PLEKHG4B: variants seen among roughly 807,000 people sequenced by gnomAD.
PLEKHG4B encodes pleckstrin homology and RhoGEF domain containing G4B.
PLEKHG4B carries 111 observed loss-of-function variants against 121.3 expected under a neutral mutation model. The observed-to-expected ratio is 0.92, with a 90% CI of 0.78 to 1.07. The LOEUF (loss-of-function observed/expected upper bound fraction) is 1.07. Ranked by LOEUF, PLEKHG4B falls within the 50% of genes least tolerant of loss-of-function variation. The pLI, the probability that PLEKHG4B is intolerant of heterozygous loss-of-function variation, is 0.00. For missense variants in PLEKHG4B, 1,831 were observed against 1,757.8 expected, an observed-to-expected ratio of 1.04 and a Z score of -0.74; for synonymous variants, 738 against 725.0, an observed-to-expected ratio of 1.02 and a Z score of -0.29.
chr5:119,820 C>T (rs1356768329), intron 2 of PLEKHG4B, among the ~76,000 whole-genome samples: 1 of 152,186 alleles, frequency 6.6e-6, no homozygotes, highest in African/African-American at 2.4e-5. Flanking sequence ...TCTGGGCTGA[C>T]AGATTAGAAT....
At chr5:110,279 C>G (rs1202808122) in intron 1 of PLEKHG4B, among the ~76,000 whole-genome samples, 1 of 150,534 alleles carries the variant, frequency 6.6e-6, no homozygotes, top group Non-Finnish European at 1.5e-5. Flanking sequence ...ATCTGCAACA[C>G]ACATGCATAC....
rs1224442785 is a variant in PLEKHG4B at position 143,254 on chromosome 5, C to A, written c.1685C>A (p.Pro562Gln). 1 of 1,609,906 alleles carries A rather than the reference C, an allele frequency of 6.2e-7. No individual in the cohort carries two copies. Among genetic ancestry groups the A allele is most frequent in the South Asian group, 1.1e-5 (1 of 91,070 alleles). Residue 562 changes from proline (P) to glutamine (Q), a missense_variant and splice_region_variant, in exon 4 of 20, where the codon CCA becomes CAA. Transcript: ENST00000637938. ...ELLQSGVVTLPGTRDRHGRAV... is the reference protein window; with the variant it reads ...ELLQSGVVTLQGTRDRHGRAV... ...CTGCAGTCCGGGGTCGTCACCCTCC[C>A]AGGTGAGAGCACATGCCAGGCTCTC...
In PLEKHG4B at chr5:182,138, G is replaced by A. The variant is rs1176257861; in HGVS notation, c.4699G>A (p.Gly1567Ser). Residue 1567 changes from glycine (G) to serine (S), a missense_variant, in exon 20 of 20, where the codon GGC becomes AGC. By Grantham distance (56) the Gly-to-Ser change is moderately conservative. Coordinates refer to ENST00000637938, the MANE Select transcript of PLEKHG4B (RefSeq NM_052909.5). Reference protein sequence around the residue: ...SQSSSILGSLGLLVSSSPAHP... With the variant: ...SQSSSILGSLSLLVSSSPAHP... The stretch of plus-strand genomic sequence containing the variant: ...GTCCTCCTCCATCCTGGGGTCGCTG[G>A]GCCTGCTTGTGTCCTCCAGCCCAGC... 6.2e-7 allele frequency: 1 copy of A among 1,614,010 alleles called. No homozygotes were observed. The highest frequency in any genetic ancestry group is 1.3e-5 in the African/African-American group (1 of 75,048).
chr5:161,810 G>A lies in PLEKHG4B; in HGVS notation c.2515G>A (p.Ala839Thr), dbSNP rs201153390. ...QQSCQKGLQL[A>T]KENPQRTEEM... Reference sequence around the variant, plus strand: ...ATCCTGCCAGAAAGGACTACAGCTGGCGAAGGAGAACCCGCAACGTACAGA... The same window carrying A: ...ATCCTGCCAGAAAGGACTACAGCTGACGAAGGAGAACCCGCAACGTACAGA... Residue 839 changes from alanine to threonine, a missense_variant, in exon 12 of 20, where the codon GCG (alanine) becomes ACG (threonine). Physicochemically the swap from Ala to Thr is moderately conservative, Grantham distance 58. Coordinates refer to ENST00000637938, the MANE Select transcript of PLEKHG4B (RefSeq NM_052909.5). The A allele has an allele frequency of 6.2e-6, 10 of 1,613,834 alleles. No homozygotes were observed. The highest frequency in any genetic ancestry group is 2.2e-5 in the East Asian group (1 of 44,880).
At chr5:166,945 C>T (rs1409868244) in intron 13 of PLEKHG4B, among the ~76,000 whole-genome samples, 2 of 152,176 alleles carry the variant, frequency 1.3e-5, no homozygotes, top group South Asian at 2.1e-4. Context: ...GTAAGAGGAA[C>T]GCCAAGCGCT....
chr5:94,808 C>T (rs902783069), intron 1 of PLEKHG4B, among the ~76,000 whole-genome samples: 8 of 152,124 alleles, frequency 5.3e-5, no homozygotes, highest in African/African-American at 1.9e-4. Context: ...CACATCCACC[C>T]TCCATGAGCT....
intron 2 of PLEKHG4B, among the ~76,000 whole-genome samples, chr5:116,507 A>G (rs1327750553): frequency 6.6e-6 from 1 of 152,234 alleles, no homozygotes; most frequent in East Asian, 1.9e-4. Context: ...AAAACAAGAT[A>G]TGTCTGTACA....
chr5:126,738 AT>A (rs749771592), intron 2 of PLEKHG4B, among the ~76,000 whole-genome samples: 5 of 152,166 alleles, frequency 3.3e-5, no homozygotes, highest in Non-Finnish European at 7.3e-5. Context: ...CACCAAGAAG[AT>A]TAAGGACATG....
chr5:107,884 A>T (rs529985112), intron 1 of PLEKHG4B, among the ~76,000 whole-genome samples: 1 of 152,186 alleles, frequency 6.6e-6, no homozygotes, highest in Non-Finnish European at 1.5e-5. Context: ...GCTTGGGTCC[A>T]GGTGTGCCAG....
chr5:188,885 G>T lies in PLEKHG4B; in HGVS notation c.*6562G>T, dbSNP rs915981496. The T allele has an allele frequency of 4.6e-5, 7 of 152,278 alleles. No homozygotes were observed. Among genetic ancestry groups the T allele is most frequent in the African/African-American group, 1.7e-4 (7 of 41,476 alleles). The allele number at this position is 152,278 out of a possible 1,614,324, so 9.4% of individuals were successfully genotyped here. On this transcript the variant is annotated 3_prime_UTR_variant, in exon 20 of 20. Transcript: ENST00000637938. ...GTGTCAGAGGCCTTGCTGGGTGCCAGGCCACGTCTGTGCTGTCACAGCTTT... is the reference window on the plus strand; with the variant it reads ...GTGTCAGAGGCCTTGCTGGGTGCCATGCCACGTCTGTGCTGTCACAGCTTT...
chr5:174,146 A>T, intron 18 of PLEKHG4B, 48 bp downstream of exon 18: 1,402 of 917,010 alleles, frequency 1.5e-3, no homozygotes, highest in Non-Finnish European at 1.9e-3. Context: ...GGGCACAGCT[A>T]GGGGCAGGGG....
chr5:176,639 G>A (rs1736769739), intron 18 of PLEKHG4B, among the ~76,000 whole-genome samples: 1 of 152,220 alleles, frequency 6.6e-6, no homozygotes, highest in African/African-American at 2.4e-5. Context: ...GCGGAGGCTT[G>A]TTCTGAGAGA....
chr5:161,932 G>C lies in PLEKHG4B; in HGVS notation c.2637G>C (p.Glu879Asp), dbSNP rs1736019336. Residue 879 changes from glutamate to aspartate, a missense_variant, in exon 12 of 20, where the codon GAG (glutamate) becomes GAC (aspartate). Transcript: ENST00000637938. ...TGGCCAGGTGGACCCGCTCGTCCGA[G>C]TTGTGCGAGACGGTAAGAGACCCAG... ...GELARWTRSS[E>D]LCETVSSWMG... is the part of the protein sequence containing the mutation. The C allele has an allele frequency of 6.2e-7, 1 of 1,611,632 alleles. No homozygotes were observed. The highest frequency in any genetic ancestry group is 8.5e-7 in the Non-Finnish European group (1 of 1,179,480).
At chr5:176,273 C>CACGA (rs1271706308) in intron 18 of PLEKHG4B, among the ~76,000 whole-genome samples, 7 of 149,620 alleles carry the variant, frequency 4.7e-5, no homozygotes, top group South Asian at 2.2e-4. Context: ...TCCTTTGTAA[C>CACGA]CCACGGTCCT....
At chr5:100,320 C>A (rs2126333537) in intron 1 of PLEKHG4B, among the ~76,000 whole-genome samples, 1 of 152,180 alleles carries the variant, frequency 6.6e-6, no homozygotes, top group East Asian at 1.9e-4. Context: ...CATAAGACTT[C>A]AAAATGTAGG....
chr5:105,703 C>G (rs1400729908), intron 1 of PLEKHG4B, among the ~76,000 whole-genome samples: 1 of 152,224 alleles, frequency 6.6e-6, no homozygotes, highest in East Asian at 1.9e-4. Context: ...CTTGGAGGAA[C>G]AAGAATGCAT....
Position 156,080 on chromosome 5 carries a change from G to A in PLEKHG4B, c.2218G>A (p.Glu740Lys), listed in dbSNP as rs138938524. The A allele has an allele frequency of 1.6e-5, 25 of 1,583,642 alleles. No individual in the cohort carries two copies. In the African/African-American group the frequency reaches 2.1e-4, roughly 13 times the overall value. ...TCCCCATCCCGTGCAGGAAGTCGCC[G>A]AGTTAATTGACCAGCATGAGACGAT... ...RTPRTAQEVA[E>K]LIDQHETMMK... Residue 740 changes from glutamate (E) to lysine (K), a missense_variant, in exon 10 of 20, where the codon GAG becomes AAG. Physicochemically the swap from Glu to Lys is moderately conservative, Grantham distance 56. Coordinates refer to ENST00000637938, the MANE Select transcript of PLEKHG4B (RefSeq NM_052909.5). The surrounding 1 kb of genome is among the most constrained non-coding windows in gnomAD (Gnocchi z 4.4).
intron 1 of PLEKHG4B, among the ~76,000 whole-genome samples, chr5:109,397 C>A (rs1273553652): frequency 4.9e-4 from 30 of 61,822 alleles, no homozygotes; most frequent in East Asian, 1.4e-3. Flanking sequence ...ACTCTGTCTC[C>A]AAAAAAAAAA....
At chr5:162,040 G>C in intron 12 of PLEKHG4B, 96 bp downstream of exon 12, 1 of 1,436,690 alleles carries the variant, frequency 7.0e-7, no homozygotes, top group Non-Finnish European at 9.2e-7. Context: ...AGTGGGCCAG[G>C]CTGTGGGACA....
Sources: gnomAD v4.1 joint callset for allele counts (sites outside exome capture counted in the v4.1 genomes callset) on GRCh38, gnomAD v4.1.1 for gene constraint, Gnocchi (gnomAD v3.1) non-coding constraint, MANE v1.5 for transcripts, NCBI Gene and HGNC (gene_info 2026-07-23, HGNC 2026-07-21) for gene names.